LRFN5: variants seen among roughly 807,000 people sequenced by gnomAD.
LRFN5 encodes leucine-rich repeat and fibronectin type-III domain-containing protein 5.
In LRFN5, 24 loss-of-function variants were observed where a neutral mutation model predicts 45.6. The observed-to-expected ratio is 0.53, with a 90% CI of 0.38 to 0.74. LRFN5 has a LOEUF of 0.74. LRFN5 is among the 30% of genes least tolerant of loss of function. The probability of loss-of-function intolerance (pLI) is 0.00; values close to 1 mark genes in which losing one functional copy is unlikely to be tolerated. For missense variants in LRFN5, 776 were observed against 861.5 expected, an observed-to-expected ratio of 0.90 and a Z score of 1.24; for synonymous variants, 340 against 313.8, an observed-to-expected ratio of 1.08 and a Z score of -0.88.
chr14:41,675,007 C>G (rs185692681), intron 1 of LRFN5, among the ~76,000 whole-genome samples: 1 of 151,488 alleles, frequency 6.6e-6, no homozygotes, highest in Non-Finnish European at 1.5e-5. Flanking sequence ...AGACGATGGG[C>G]GGCCGGGCAG....
intron 1 of LRFN5, among the ~76,000 whole-genome samples, chr14:41,703,088 G>C (rs1424304020): frequency 2.6e-5 from 4 of 152,124 alleles, no homozygotes; most frequent in Admixed American, 2.6e-4. Context: ...AATATTTTAA[G>C]ACTGCAGTGT....
intron 1 of LRFN5, among the ~76,000 whole-genome samples, chr14:41,664,710 TAAAC>T (rs1268985995): frequency 1.3e-5 from 2 of 151,802 alleles, no homozygotes; most frequent in Non-Finnish European, 2.9e-5. Context: ...TCCAATGACA[TAAAC>T]AAAAAAAAGT....
At chr14:41,642,002 C>A (rs899994505) in intron 1 of LRFN5, among the ~76,000 whole-genome samples, 1 of 152,042 alleles carries the variant, frequency 6.6e-6, no homozygotes, top group Non-Finnish European at 1.5e-5. Flanking sequence ...CTATTTCTGA[C>A]AATGGATTCT....
chr14:41,838,561 A>G (rs975671003), intron 2 of LRFN5, among the ~76,000 whole-genome samples: 1 of 152,202 alleles, frequency 6.6e-6, no homozygotes, highest in Non-Finnish European at 1.5e-5. Flanking sequence ...TCTTCCTGGC[A>G]GATATGTCTT....
intron 2 of LRFN5, among the ~76,000 whole-genome samples, chr14:41,852,780 A>G (rs1035380905): frequency 2.0e-5 from 3 of 151,962 alleles, no homozygotes; most frequent in South Asian, 2.1e-4. Flanking sequence ...GAATAAAACT[A>G]CCTAAATCAT....
intron 1 of LRFN5, among the ~76,000 whole-genome samples, chr14:41,614,937 G>T (rs970968673): frequency 1.3e-5 from 2 of 152,006 alleles, no homozygotes; most frequent in African/African-American, 4.8e-5. Flanking sequence ...CAGACCAGGG[G>T]TCATAATATA....
At chr14:41,883,079 C>A (rs1252637695) in intron 2 of LRFN5, among the ~76,000 whole-genome samples, 1 of 151,834 alleles carries the variant, frequency 6.6e-6, no homozygotes, top group African/African-American at 2.4e-5. Context: ...GAACTCCTGA[C>A]CACGTAATCT....
intron 1 of LRFN5, among the ~76,000 whole-genome samples, chr14:41,674,624 T>A (rs546440132): frequency 3.9e-5 from 5 of 128,886 alleles, no homozygotes. Flanking sequence ...ACCTCCCTCC[T>A]GGACGGGGCG....
intron 2 of LRFN5, among the ~76,000 whole-genome samples, chr14:41,807,801 C>T (rs1185326066): frequency 6.6e-6 from 1 of 151,816 alleles, no homozygotes. Flanking sequence ...ACCATGAGCC[C>T]CCACCCCTTT....
chr14:41,651,678 A>G (rs1880132813), intron 1 of LRFN5, among the ~76,000 whole-genome samples: 1 of 152,324 alleles, frequency 6.6e-6, no homozygotes, highest in Non-Finnish European at 1.5e-5. Flanking sequence ...GTTAATTCCA[A>G]AAAGTGTAAC....
intron 2 of LRFN5, among the ~76,000 whole-genome samples, chr14:41,843,087 T>C (rs1002725867): frequency 1.6e-5 from 2 of 128,722 alleles, no homozygotes; most frequent in African/African-American, 7.1e-5. Flanking sequence ...TTGTCTTTTC[T>C]TTTTTTTTTT....
intron 1 of LRFN5, among the ~76,000 whole-genome samples, chr14:41,640,279 T>A (rs1286036239): frequency 6.6e-6 from 1 of 152,138 alleles, no homozygotes; most frequent in South Asian, 2.1e-4. Context: ...TTGCTTTGCC[T>A]TAGGCTGTTA....
At chr14:41,689,759 A>G (rs1028447072) in intron 1 of LRFN5, among the ~76,000 whole-genome samples, 196 of 150,476 alleles carry the variant, frequency 1.3e-3, no homozygotes, top group Non-Finnish European at 2.4e-3. Flanking sequence ...GCCGGGCGTG[A>G]TGGCGGGCGC....
intron 1 of LRFN5, among the ~76,000 whole-genome samples, chr14:41,624,294 A>C (rs561033428): frequency 6.6e-6 from 1 of 152,094 alleles, no homozygotes; most frequent in Non-Finnish European, 1.5e-5. Flanking sequence ...ATTTTCCTAC[A>C]ATTAATCCTT....
At chr14:41,879,942 T>A (rs1353457112) in intron 2 of LRFN5, among the ~76,000 whole-genome samples, 4 of 87,998 alleles carry the variant, frequency 4.5e-5, no homozygotes, top group South Asian at 4.5e-4. Flanking sequence ...TTTTTTTTTT[T>A]AACAGAGTCT....
At chr14:41,837,505 A>G (rs1288895466) in intron 2 of LRFN5, among the ~76,000 whole-genome samples, 2 of 152,216 alleles carry the variant, frequency 1.3e-5, no homozygotes, top group Non-Finnish European at 2.9e-5. Context: ...TAAGAACTAA[A>G]TTTTATTAAC....
chr14:41,682,939 T>C (rs1881965895), intron 1 of LRFN5, among the ~76,000 whole-genome samples: 1 of 152,128 alleles, frequency 6.6e-6, no homozygotes, highest in Non-Finnish European at 1.5e-5. Flanking sequence ...AGGGTGGAAA[T>C]ACTTCCAAAC....
intron 1 of LRFN5, among the ~76,000 whole-genome samples, chr14:41,747,984 T>C (rs1423725388): frequency 1.3e-5 from 2 of 151,982 alleles, no homozygotes; most frequent in East Asian, 1.9e-4. Flanking sequence ...GGATGAAGAC[T>C]CTCCAAAGAA....
In LRFN5 at chr14:41,788,759, A is replaced by G. The variant is rs77737022; in HGVS notation, c.-21+21730A>G. 3.7e-3 allele frequency among the ~76,000 whole-genome samples: 562 copies of G among 152,114 alleles called. 14 individuals are homozygous for G. In the East Asian group the frequency reaches 0.075, roughly 20 times the overall value. On this transcript the variant is annotated intron_variant, in intron 2 of 5. Coordinates refer to ENST00000298119, the MANE Select transcript of LRFN5 (RefSeq NM_152447.5). ...CAAAGTCCTTTTTCTTTGATTTATC[A>G]CTTTTCCAATAATTAACTTTTCTTT...
Sources: allele counts gnomAD v4.1 joint callset (sites outside exome capture counted in the v4.1 genomes callset), GRCh38; gene constraint gnomAD v4.1.1; transcripts MANE v1.5; gene names NCBI Gene and HGNC (gene_info 2026-07-23, HGNC 2026-07-21).